SHANK2: variants seen among roughly 807,000 people sequenced by gnomAD.
The protein encoded by SHANK2 is SH3 and multiple ankyrin repeat domains 2, also known as SH3 and multiple ankyrin repeat domains protein 2.
In SHANK2, 43 loss-of-function variants were observed where a neutral mutation model predicts 133.7. That is an observed-to-expected ratio of 0.32 (90% CI 0.25 to 0.41). The LOEUF is 0.41. Among genes scored for constraint, SHANK2 ranks in the 10% least tolerant of loss-of-function variants. SHANK2 has a pLI of 1.00. For synonymous variants in SHANK2, 1,017 were observed against 952.8 expected, an observed-to-expected ratio of 1.07 and a Z score of -1.24; for missense variants, 1,994 against 2,235.8, an observed-to-expected ratio of 0.89 and a Z score of 2.18.
chr11:70,482,403 G>C (rs1721988427), intron 25 of SHANK2, among the ~76,000 whole-genome samples: 1 of 152,248 alleles, frequency 6.6e-6, no homozygotes, highest in Non-Finnish European at 1.5e-5. Context: ...GCCCGCGGCA[G>C]TCTCAGCCTT....
intron 11 of SHANK2, among the ~76,000 whole-genome samples, chr11:70,826,934 G>A (rs782414609): frequency 1.3e-5 from 2 of 152,266 alleles, no homozygotes; most frequent in Non-Finnish European, 2.9e-5. Context: ...TCGGGCTGGT[G>A]CTGGGCGCTC....
intron 3 of SHANK2, among the ~76,000 whole-genome samples, chr11:71,133,227 T>C (rs541463053): frequency 7.0e-4 from 94 of 135,046 alleles, no homozygotes; most frequent in Non-Finnish European, 1.2e-3. Context: ...GCTGGGTGGA[T>C]GCACAGATGA....
chr11:70,888,011 G>A (rs1342275648), intron 11 of SHANK2, among the ~76,000 whole-genome samples: 4 of 152,164 alleles, frequency 2.6e-5, no homozygotes, highest in Non-Finnish European at 5.9e-5. Flanking sequence ...AGTTGTATAA[G>A]ACAAGTCTTG....
chr11:70,871,018 T>C lies in SHANK2; in HGVS notation c.1174+25483A>G, dbSNP rs186051644. On this transcript the variant is annotated intron_variant, in intron 11 of 25. Coordinates refer to ENST00000601538, the MANE Select transcript of SHANK2 (RefSeq NM_012309.5). ...GTCTCGAACTCCTGACTTCAGGTGATCCATCCGCCTCAGCCTCCCAAAGTG... is the reference window on the plus strand; with the variant it reads ...GTCTCGAACTCCTGACTTCAGGTGACCCATCCGCCTCAGCCTCCCAAAGTG... Among the ~76,000 whole-genome samples, 57 of 152,300 alleles carry C rather than the reference T, an allele frequency of 3.7e-4. 1 individual carries two copies. In the East Asian group the frequency reaches 9.8e-3, roughly 26 times the overall value.
At chr11:70,642,866 G>A (rs1230202530) in intron 17 of SHANK2, among the ~76,000 whole-genome samples, 3 of 152,164 alleles carry the variant, frequency 2.0e-5, no homozygotes, top group Non-Finnish European at 4.4e-5. Flanking sequence ...TTTAAAAAAA[G>A]TTACTTTACA....
intron 10 of SHANK2, among the ~76,000 whole-genome samples, chr11:71,055,774 G>A (rs1297612899): frequency 7.1e-6 from 1 of 140,164 alleles, no homozygotes; most frequent in Admixed American, 7.4e-5. Flanking sequence ...TTTTCTAGGG[G>A]CTGGGGGAGG....
chr11:70,809,585 T>C (rs995706442), intron 12 of SHANK2, among the ~76,000 whole-genome samples: 2 of 152,176 alleles, frequency 1.3e-5, no homozygotes, highest in Non-Finnish European at 2.9e-5. Context: ...AGCATTAGGA[T>C]GGTGAGATCT....
intron 17 of SHANK2, among the ~76,000 whole-genome samples, chr11:70,516,902 G>C (rs547955720): frequency 6.6e-6 from 1 of 152,044 alleles, no homozygotes; most frequent in Admixed American, 6.6e-5. Context: ...GTGAAACCCC[G>C]TCTCTTATAA....
intron 15 of SHANK2, among the ~76,000 whole-genome samples, chr11:70,665,385 C>T (rs1944660090): frequency 9.8e-6 from 1 of 101,540 alleles, no homozygotes; most frequent in Non-Finnish European, 2.3e-5. Flanking sequence ...AAGGGATGCT[C>T]CCTTCTCAGC....
rs1948710207 is a variant in SHANK2, at chr11:70,830,471, C to T, written c.1175-9789G>A. Among the ~76,000 whole-genome samples the T allele has an allele frequency of 6.6e-6, 1 of 152,202 alleles. No individual in the cohort carries two copies. The highest frequency in any genetic ancestry group is 6.5e-5 in the Admixed American group (1 of 15,292). The stretch of plus-strand genomic sequence containing the variant: ...GCACACAGGCCCGGCCCTTCACCCT[C>T]CAAGCCACGGAGACCCAGAAACCTG... On this transcript the variant is annotated intron_variant, in intron 11 of 25. Transcript: ENST00000601538. This position sits in a 1 kb window ranked among gnomAD's most constrained non-coding sequence, Gnocchi z 4.4.
intron 11 of SHANK2, among the ~76,000 whole-genome samples, chr11:70,877,953 C>A (rs1949595684): frequency 6.6e-6 from 1 of 152,322 alleles, no homozygotes; most frequent in Non-Finnish European, 1.5e-5. Context: ...GTTGGGTGTG[C>A]TGGGGAAAAG....
intron 17 of SHANK2, among the ~76,000 whole-genome samples, chr11:70,551,207 G>A (rs1554977920): frequency 1.3e-5 from 2 of 152,206 alleles, no homozygotes; most frequent in East Asian, 1.9e-4. Flanking sequence ...ACTTCCCCTG[G>A]TGTTGCCTAT....
chr11:70,767,551 G>A (rs1407584858), intron 14 of SHANK2, among the ~76,000 whole-genome samples: 3 of 152,076 alleles, frequency 2.0e-5, no homozygotes, highest in Admixed American at 6.6e-5. Context: ...CCACCACAAC[G>A]CCACAATGTG....
chr11:70,664,602 C>A (rs571387115), intron 15 of SHANK2, among the ~76,000 whole-genome samples: 33 of 152,222 alleles, frequency 2.2e-4, no homozygotes, highest in Non-Finnish European at 3.7e-4. Flanking sequence ...GCGCTCCAGG[C>A]GTGCTCACTT....
At chr11:70,814,610 C>T (rs891011993) in intron 12 of SHANK2, among the ~76,000 whole-genome samples, 1 of 152,244 alleles carries the variant, frequency 6.6e-6, no homozygotes, top group Non-Finnish European at 1.5e-5. Context: ...AAACAGAGGC[C>T]ACTGGGCCAA....
At chr11:70,623,618 G>T (rs1270256571) in intron 17 of SHANK2, among the ~76,000 whole-genome samples, 1 of 152,152 alleles carries the variant, frequency 6.6e-6, no homozygotes, top group African/African-American at 2.4e-5. Flanking sequence ...ATGGAAGGTG[G>T]TTTTCATCAA....
chr11:71,239,141 G>T (rs557458916), intron 1 of SHANK2, among the ~76,000 whole-genome samples: 1 of 152,358 alleles, frequency 6.6e-6, no homozygotes, highest in South Asian at 2.1e-4. Context: ...ACTCACTGGA[G>T]TGAAGGAGAT....
chr11:70,698,806 G>C (rs1049783271), intron 14 of SHANK2, 43 bp from the exon 15 acceptor site: 7 of 718,212 alleles, frequency 9.7e-6, no homozygotes, highest in Admixed American at 8.0e-5. Context: ...AAAAGTCATG[G>C]TCCCCGAACG....
At chr11:70,932,420 G>A (rs1344223067) in intron 10 of SHANK2, among the ~76,000 whole-genome samples, 6 of 152,226 alleles carry the variant, frequency 3.9e-5, no homozygotes, top group Non-Finnish European at 7.3e-5. Context: ...CTGGGTCCGC[G>A]CACGTGCGGC....
Sources: allele counts gnomAD v4.1 joint callset (sites outside exome capture counted in the v4.1 genomes callset), GRCh38; gene constraint gnomAD v4.1.1; non-coding constraint Gnocchi (gnomAD v3.1); transcripts MANE v1.5; gene names NCBI Gene and HGNC (gene_info 2026-07-23, HGNC 2026-07-21).